PEPD: variants seen among roughly 807,000 people sequenced by gnomAD.
PEPD encodes the protein peptidase D, also known as xaa-Pro dipeptidase.
Under a neutral mutation model 60.7 loss-of-function variants are expected in PEPD, and 53 were observed. That is an observed-to-expected ratio of 0.87 (90% CI 0.70 to 1.10). The LOEUF is 1.10. Among genes scored for constraint, PEPD ranks in the 50% least tolerant of loss-of-function variants. The probability of loss-of-function intolerance (pLI) is 0.00; values close to 1 mark genes in which losing one functional copy is unlikely to be tolerated. For synonymous variants in PEPD, 267 were observed against 284.1 expected, an observed-to-expected ratio of 0.94 and a Z score of 0.60; for missense variants, 711 against 711.9, an observed-to-expected ratio of 1.00 and a Z score of 0.01.
intron 13 of PEPD, among the ~76,000 whole-genome samples, chr19:33,389,653 G>C (rs1170449253): frequency 1.3e-5 from 2 of 152,184 alleles, no homozygotes; most frequent in Non-Finnish European, 2.9e-5. Flanking sequence ...CATCCCCATG[G>C]GCCCACCCCG....
At chr19:33,464,405 T>C (rs1459089572) in intron 7 of PEPD, among the ~76,000 whole-genome samples, 1 of 152,088 alleles carries the variant, frequency 6.6e-6, no homozygotes, top group Non-Finnish European at 1.5e-5. Context: ...TCCCCATGCA[T>C]GGAAGGGGGA....
chr19:33,421,116 T>C (rs1969008275), intron 9 of PEPD, among the ~76,000 whole-genome samples: 1 of 152,144 alleles, frequency 6.6e-6, no homozygotes, highest in South Asian at 2.1e-4. Flanking sequence ...AGCGTTCGGG[T>C]TGTTTCCAGA....
At chr19:33,395,309 C>T (rs1021870612) in intron 12 of PEPD, among the ~76,000 whole-genome samples, 2 of 152,172 alleles carry the variant, frequency 1.3e-5, no homozygotes, top group Admixed American at 6.5e-5. Context: ...GGGTGGTGCC[C>T]GTACTCTGCT....
At chr19:33,389,810 C>T (rs1968168913) in intron 13 of PEPD, among the ~76,000 whole-genome samples, 1 of 152,280 alleles carries the variant, frequency 6.6e-6, no homozygotes. Context: ...AGGCCTGCCT[C>T]AGCCCAGTGG....
At chr19:33,455,645 G>C (rs1188424489) in intron 9 of PEPD, among the ~76,000 whole-genome samples, 2 of 151,694 alleles carry the variant, frequency 1.3e-5, no homozygotes, top group Non-Finnish European at 2.9e-5. Context: ...TGGGACTATA[G>C]GGGTGCGTCA....
chr19:33,476,758 G>A (rs1970223422), intron 7 of PEPD, among the ~76,000 whole-genome samples: 2 of 152,132 alleles, frequency 1.3e-5, no homozygotes, highest in Non-Finnish European at 2.9e-5. Context: ...CCGCTTCCCA[G>A]GTTCACACCA....
intron 7 of PEPD, among the ~76,000 whole-genome samples, chr19:33,471,932 C>T (rs1443877243): frequency 1.3e-5 from 2 of 152,166 alleles, no homozygotes; most frequent in Admixed American, 1.3e-4. Flanking sequence ...GAGGCCGAGG[C>T]AGGTGGATCA....
At chr19:33,468,482 T>C (rs910869989) in intron 7 of PEPD, among the ~76,000 whole-genome samples, 19 of 152,308 alleles carry the variant, frequency 1.2e-4, no homozygotes, top group African/African-American at 4.6e-4. Context: ...CTGGCCTCCA[T>C]CGAGGCAGCC....
chr19:33,439,422 C>T lies in PEPD; in HGVS notation c.671+23573G>A, dbSNP rs937162440. The stretch of plus-strand genomic sequence containing the variant: ...AGAGGGGCCAGACCTCAGGCATAGG[C>T]GGGTCCGAGTAAAGACTCCTCCCCT... On this transcript the variant is annotated intron_variant, in intron 9 of 14. Transcript: ENST00000244137. Among the ~76,000 whole-genome samples the T allele has an allele frequency of 5.8e-4, 89 of 152,334 alleles. 1 individual carries two copies. The highest frequency in any genetic ancestry group is 5.4e-3 in the Admixed American group (82 of 15,304).
rs1968498585 is a variant in PEPD at position 33,401,785 on chromosome 19, G to A, written c.903C>T (p.Asp301=). 1 of 1,612,416 alleles carries A rather than the reference G, an allele frequency of 6.2e-7. No individual in the cohort carries two copies. Among genetic ancestry groups the A allele is most frequent in the African/African-American group, 1.3e-5 (1 of 74,926 alleles). ...SFPANGKFTA[D]QKAVYEAVLR... Reference sequence around the variant, plus strand: ...GCACTGCCTCATAGACGGCCTTCTGGTCTGCAGTGAACTTGCCGTTGGCGG... The same window carrying A: ...GCACTGCCTCATAGACGGCCTTCTGATCTGCAGTGAACTTGCCGTTGGCGG... Residue 301 remains aspartate, a synonymous_variant, in exon 12 of 15, where the codon GAC becomes GAT. Transcript: ENST00000244137.
intron 9 of PEPD, among the ~76,000 whole-genome samples, chr19:33,421,887 C>T (rs1243382666): frequency 6.6e-6 from 1 of 152,138 alleles, no homozygotes; most frequent in African/African-American, 2.4e-5. Flanking sequence ...AAGGTTCTCT[C>T]TCCCCTGGGA....
At chr19:33,511,191 A>G (rs769481535) in intron 2 of PEPD, 36 bp from the exon 3 acceptor site, 6 of 1,612,804 alleles carry the variant, frequency 3.7e-6, no homozygotes, top group Non-Finnish European at 5.1e-6. Context: ...TAGCCAGTGG[A>G]ACATGAGGTG....
chr19:33,511,256 C>T (rs1970921466), intron 2 of PEPD, 101 bp from the exon 3 acceptor site: 1 of 1,241,516 alleles, frequency 8.1e-7, no homozygotes, highest in South Asian at 1.2e-5. Flanking sequence ...CTCAGACCGA[C>T]AGCCTCCTGT....
chr19:33,434,051 CCT>C (rs1305000499), intron 9 of PEPD, among the ~76,000 whole-genome samples: 1 of 152,172 alleles, frequency 6.6e-6, no homozygotes, highest in Non-Finnish European at 1.5e-5. Context: ...CTTCTCTTCC[CCT>C]CTCCTCCTCT....
chr19:33,449,768 T>C (rs1969661964), intron 9 of PEPD, among the ~76,000 whole-genome samples: 1 of 151,386 alleles, frequency 6.6e-6, no homozygotes, highest in South Asian at 2.1e-4. Context: ...GGTGTCCCAA[T>C]GTGCATGGCT....
At chr19:33,521,511 G>C (rs1971133910) in intron 1 of PEPD, among the ~76,000 whole-genome samples, 1 of 152,196 alleles carries the variant, frequency 6.6e-6, no homozygotes, top group East Asian at 1.9e-4. Context: ...GCCAGACGCG[G>C]GCAGGTGGGG....
At chr19:33,492,143 A>G (rs1432630164) in intron 5 of PEPD, among the ~76,000 whole-genome samples, 1 of 151,932 alleles carries the variant, frequency 6.6e-6, no homozygotes, top group Non-Finnish European at 1.5e-5. Flanking sequence ...AAGAAGTGTA[A>G]GAAAGCACAC....
intron 3 of PEPD, among the ~76,000 whole-genome samples, chr19:33,509,235 G>A (rs1042403344): frequency 1.3e-5 from 2 of 152,360 alleles, no homozygotes; most frequent in South Asian, 2.1e-4. Context: ...GGGGCAGCCC[G>A]GCAGAAGCCC....
intron 4 of PEPD, 109 bp from the exon 5 acceptor site, chr19:33,493,446 T>C (rs1242365109): frequency 1.9e-5 from 16 of 828,930 alleles, no homozygotes; most frequent in Middle Eastern, 2.2e-4. Context: ...AGCAGATCAT[T>C]AGAACAGGCG....
Sources: allele counts gnomAD v4.1 joint callset (sites outside exome capture counted in the v4.1 genomes callset), GRCh38; gene constraint gnomAD v4.1.1; transcripts MANE v1.5; gene names NCBI Gene and HGNC (gene_info 2026-07-23, HGNC 2026-07-21).